The following PRKCE variants were observed in gnomAD, a reference collection of about 807,000 sequenced individuals.
PRKCE encodes the protein protein kinase C epsilon.
Under a neutral mutation model 85.4 loss-of-function variants are expected in PRKCE, and 16 were observed. The ratio of observed to expected loss-of-function variants is 0.19; its 90% CI spans 0.13 to 0.28. PRKCE has a LOEUF of 0.28. Ranked by LOEUF, PRKCE falls within the 10% of genes least tolerant of loss-of-function variation. The probability of loss-of-function intolerance (pLI) is 1.00; values close to 1 mark genes in which losing one functional copy is unlikely to be tolerated. For missense variants in PRKCE, 573 were observed against 975.2 expected (o/e 0.59, Z 5.49); for synonymous variants, 388 against 371.5 (o/e 1.04, Z -0.51).
chr2:45,724,378 C>G (rs575550089), intron 1 of PRKCE, among the ~76,000 whole-genome samples: 1 of 152,194 alleles, frequency 6.6e-6, no homozygotes, highest in Admixed American at 6.5e-5. Flanking sequence ...ATTTCCCTGT[C>G]TCTCTCCCTC....
chr2:46,055,199 C>A (rs1300402709), intron 10 of PRKCE, among the ~76,000 whole-genome samples: 2 of 152,238 alleles, frequency 1.3e-5, no homozygotes, highest in Non-Finnish European at 2.9e-5. Flanking sequence ...TATACTGCTT[C>A]TGGGGCTTCA....
At chr2:45,871,593 C>G (rs1191603706) in intron 2 of PRKCE, among the ~76,000 whole-genome samples, 2 of 152,142 alleles carry the variant, frequency 1.3e-5, no homozygotes, top group African/African-American at 4.8e-5. Flanking sequence ...AGAGGTATCT[C>G]TATAGGAGAT....
At chr2:46,036,128 G>A (rs1707841619) in intron 10 of PRKCE, among the ~76,000 whole-genome samples, 1 of 152,162 alleles carries the variant, frequency 6.6e-6, no homozygotes, top group Non-Finnish European at 1.5e-5. Flanking sequence ...CAGATCGAGT[G>A]GCCCGTGCAA....
intron 3 of PRKCE, among the ~76,000 whole-genome samples, chr2:45,977,010 C>T (rs1470539026): frequency 2.0e-5 from 3 of 151,854 alleles, no homozygotes; most frequent in Admixed American, 1.3e-4. Context: ...GATTCTCATG[C>T]CTCAGCCTCC....
intron 2 of PRKCE, among the ~76,000 whole-genome samples, chr2:45,889,090 A>G (rs1695516286): frequency 6.6e-6 from 1 of 152,248 alleles, no homozygotes; most frequent in Non-Finnish European, 1.5e-5. Flanking sequence ...GCTCTGTTAT[A>G]GAAGCAGATG....
At chr2:45,667,988 T>C (rs1675994302) in intron 1 of PRKCE, among the ~76,000 whole-genome samples, 1 of 152,192 alleles carries the variant, frequency 6.6e-6, no homozygotes, top group African/African-American at 2.4e-5. Flanking sequence ...ACTAAGTCAG[T>C]ACTATCTATC....
Position 45,744,477 on chromosome 2 carries a change from CTTTCTTTCTTTTTCTTTCTTTCTT to C in PRKCE, c.348+92032_348+92055del, listed in dbSNP as rs1558623720. Among the ~76,000 whole-genome samples the C allele has an allele frequency of 8.5e-3, 388 of 45,424 alleles. 5 individuals are homozygous for C. Among genetic ancestry groups the C allele is most frequent in the African/African-American group, 0.021 (247 of 11,496 alleles). The allele number at this position is 45,424 out of a possible 152,430, so 29.8% of individuals were successfully genotyped here. On this transcript the variant is annotated intron_variant, in intron 1 of 14. Transcript: ENST00000306156. ...TCTTTCTTTCTTTCTTTCTTTCTTT[CTTTCTTTCTTTTTCTTTCTTTCTT>C]TTCTTTCTTTCTTTCTTTCTTTCTT...
intron 1 of PRKCE, among the ~76,000 whole-genome samples, chr2:45,823,027 C>T (rs1299277685): frequency 6.6e-6 from 1 of 152,172 alleles, no homozygotes; most frequent in East Asian, 1.9e-4. Context: ...CACTCCCACC[C>T]CAATTGACCA....
chr2:45,898,956 C>T (rs1696362053), intron 2 of PRKCE, among the ~76,000 whole-genome samples: 1 of 152,218 alleles, frequency 6.6e-6, no homozygotes, highest in Admixed American at 6.5e-5. Flanking sequence ...AGCCCCCAAT[C>T]TTCTTAGCTA....
chr2:45,726,146 G>A (rs748253561), intron 1 of PRKCE, among the ~76,000 whole-genome samples: 2 of 152,206 alleles, frequency 1.3e-5, no homozygotes, highest in Non-Finnish European at 2.9e-5. Context: ...TCTATTCCTG[G>A]TGAAGATTCT....
chr2:45,883,003 G>A (rs772305192), intron 2 of PRKCE, among the ~76,000 whole-genome samples: 2 of 152,230 alleles, frequency 1.3e-5, no homozygotes, highest in South Asian at 2.1e-4. Context: ...AATGAGTGGC[G>A]ACGGCCAGTC....
rs41295952 is a variant in PRKCE at position 45,978,427 on chromosome 2, C to G, written c.573-549C>G. 945 of 153,334 alleles carry G rather than the reference C, an allele frequency of 6.2e-3. 1 individual carries two copies. Among genetic ancestry groups the G allele is most frequent in the Non-Finnish European group, 0.01 (699 of 68,780 alleles). The allele number at this position is 153,334 out of a possible 1,614,324, so 9.5% of individuals were successfully genotyped here. On this transcript the variant is annotated intron_variant, in intron 3 of 14. Coordinates refer to ENST00000306156, the MANE Select transcript of PRKCE (RefSeq NM_005400.3). ...TCTGTCTTGCCCTGGGAACACCACT[C>G]TGGCCATGGAAGGAACCTCTAATGT...
At chr2:45,968,630 A>G (rs1701894430) in intron 2 of PRKCE, among the ~76,000 whole-genome samples, 2 of 152,234 alleles carry the variant, frequency 1.3e-5, no homozygotes, top group South Asian at 4.1e-4. Context: ...CTATTGAAAT[A>G]AAAAAGTTTT....
intron 1 of PRKCE, among the ~76,000 whole-genome samples, chr2:45,702,772 C>G (rs924861558): frequency 6.6e-6 from 1 of 152,126 alleles, no homozygotes; most frequent in Non-Finnish European, 1.5e-5. Context: ...AAGCAGGACA[C>G]GAACCACCTC....
chr2:45,864,589 A>G (rs1002306656), intron 2 of PRKCE, among the ~76,000 whole-genome samples: 1 of 152,192 alleles, frequency 6.6e-6, no homozygotes, highest in East Asian at 1.9e-4. Flanking sequence ...TTTTATGAAC[A>G]TCGGTTATTG....
At chr2:46,110,866 T>C (rs1672193620) in intron 11 of PRKCE, among the ~76,000 whole-genome samples, 1 of 152,158 alleles carries the variant, frequency 6.6e-6, no homozygotes, top group South Asian at 2.1e-4. Context: ...TTCACCGTAT[T>C]CCACTAATTT....
chr2:45,807,158 A>C (rs1688306960), intron 1 of PRKCE, among the ~76,000 whole-genome samples: 2 of 152,234 alleles, frequency 1.3e-5, no homozygotes, highest in Non-Finnish European at 2.9e-5. Flanking sequence ...AACTGGTCTC[A>C]GCCTCAGTTT....
intron 2 of PRKCE, among the ~76,000 whole-genome samples, chr2:45,961,781 T>C (rs933350614): frequency 2.6e-5 from 4 of 152,108 alleles, no homozygotes; most frequent in Admixed American, 6.5e-5. Flanking sequence ...CTGCAACCTC[T>C]GCCTCCCGGG....
chr2:46,104,373 G>A (rs1383205849), intron 11 of PRKCE, among the ~76,000 whole-genome samples: 1 of 144,740 alleles, frequency 6.9e-6, no homozygotes, highest in Non-Finnish European at 1.5e-5. Context: ...ATCCTGTGAA[G>A]TCATGCACAA....
Sources: gnomAD v4.1 joint callset for allele counts (sites outside exome capture counted in the v4.1 genomes callset) on GRCh38, gnomAD v4.1.1 for gene constraint, MANE v1.5 for transcripts, NCBI Gene and HGNC (gene_info 2026-07-23, HGNC 2026-07-21) for gene names.